FAM3C: variants seen among roughly 807,000 people sequenced by gnomAD.
The protein encoded by FAM3C is FAM3 metabolism regulating signaling molecule C, also known as protein FAM3C.
A neutral mutation model predicts 32.5 loss-of-function variants in FAM3C; 15 were observed. That is an observed-to-expected ratio of 0.46 (90% confidence interval 0.31 to 0.71). FAM3C has a LOEUF of 0.71. FAM3C is among the 30% of genes least tolerant of loss of function. The probability of loss-of-function intolerance (pLI) is 0.05; values close to 1 mark genes in which losing one functional copy is unlikely to be tolerated. For synonymous variants in FAM3C, 75 were observed against 86.1 expected (o/e 0.87, Z 0.72); for missense variants, 175 against 274.4 (o/e 0.64, Z 2.56).
chr7:121,362,058 T>G (rs1793937006), intron 7 of FAM3C, among the ~76,000 whole-genome samples: 1 of 152,166 alleles, frequency 6.6e-6, no homozygotes, highest in Non-Finnish European at 1.5e-5. Flanking sequence ...TCAGGAAGCC[T>G]AATAGCTGTT....
intron 1 of FAM3C, among the ~76,000 whole-genome samples, chr7:121,395,628 A>C (rs182759771): frequency 4.5e-4 from 69 of 152,234 alleles, no homozygotes; most frequent in African/African-American, 1.6e-3. Context: ...AACAAATAGG[A>C]AGAAAAAGAA....
intron 7 of FAM3C, among the ~76,000 whole-genome samples, chr7:121,361,833 C>G (rs1314934733): frequency 4.6e-5 from 7 of 152,138 alleles, no homozygotes; most frequent in Non-Finnish European, 1.0e-4. Context: ...TGCATGCCAC[C>G]ATGCCCGGCT....
At position 121,362,888 on chromosome 7, in the gene FAM3C, T is replaced by A; in HGVS notation, c.382+9A>T. ...AGCAAAAGAACACAGTCATGTTATTTATGCTTACCTCCTCCCCACATGTCA... is the reference window on the plus strand; with the variant it reads ...AGCAAAAGAACACAGTCATGTTATTAATGCTTACCTCCTCCCCACATGTCA... On this transcript the variant is annotated intron_variant, in intron 7 of 9. Coordinates refer to ENST00000359943, the MANE Select transcript of FAM3C (RefSeq NM_014888.3). The A allele has an allele frequency of 6.6e-7, 1 of 1,504,084 alleles. No individual in the cohort carries two copies. The highest frequency in any genetic ancestry group is 9.2e-7 in the Non-Finnish European group (1 of 1,083,976). 93.2% of individuals were successfully genotyped at this position (1,504,084 alleles called of 1,614,324 possible).
At chr7:121,388,235 A>AAC (rs10676450) in intron 1 of FAM3C, among the ~76,000 whole-genome samples, 61,170 of 147,720 alleles carry the variant, frequency 0.41, 14,026 homozygotes, top group East Asian at 0.63. Context: ...CCACCATTTT[A>AAC]ACACACACAC....
intron 2 of FAM3C, 58 bp from the exon 3 acceptor site, chr7:121,379,072 AT>A (rs1317118743): frequency 1.1e-6 from 1 of 908,704 alleles, no homozygotes; most frequent in Non-Finnish European, 1.7e-6. Flanking sequence ...TTTATTTTGC[AT>A]TTCTATGAAA....
chr7:121,359,387 A>G (rs1793877327), intron 8 of FAM3C, among the ~76,000 whole-genome samples: 1 of 152,018 alleles, frequency 6.6e-6, no homozygotes, highest in Non-Finnish European at 1.5e-5. Context: ...ATATTTAATA[A>G]TAAGGGGAAA....
intron 6 of FAM3C, among the ~76,000 whole-genome samples, chr7:121,363,588 T>C (rs1793968134): frequency 6.6e-6 from 1 of 152,134 alleles, no homozygotes; most frequent in Non-Finnish European, 1.5e-5. Flanking sequence ...ATGGAATACT[T>C]ATTGTACCAG....
At chr7:121,371,216 A>G in intron 5 of FAM3C, 84 bp downstream of exon 5, 1 of 1,493,080 alleles carries the variant, frequency 6.7e-7, no homozygotes, top group Non-Finnish European at 9.2e-7. Context: ...TACCGAACAC[A>G]TTTTCAAAAT....
chr7:121,380,324 C>T (rs1005436732), intron 2 of FAM3C: 6 of 151,838 alleles, frequency 4.0e-5, no homozygotes, highest in Admixed American at 6.6e-5. Flanking sequence ...AATATCAAGA[C>T]GATAACACAA....
At chr7:121,376,768 T>G (rs1794244190) in intron 3 of FAM3C, among the ~76,000 whole-genome samples, 1 of 152,094 alleles carries the variant, frequency 6.6e-6, no homozygotes, top group South Asian at 2.1e-4. Flanking sequence ...AAAACTGAAG[T>G]CTACATATCA....
intron 3 of FAM3C, among the ~76,000 whole-genome samples, chr7:121,378,693 C>G (rs1166224688): frequency 7.0e-6 from 1 of 143,670 alleles, no homozygotes; most frequent in African/African-American, 2.7e-5. Flanking sequence ...AGACTCATTA[C>G]ATATGTTCAA....
chr7:121,392,757 T>A (rs1794602751), intron 1 of FAM3C, among the ~76,000 whole-genome samples: 1 of 152,182 alleles, frequency 6.6e-6, no homozygotes, highest in Non-Finnish European at 1.5e-5. Context: ...ACTTTCTGAA[T>A]AGCACACAAA....
At chr7:121,377,957 A>AC (rs2116934425) in intron 3 of FAM3C, among the ~76,000 whole-genome samples, 1 of 152,346 alleles carries the variant, frequency 6.6e-6, no homozygotes, top group Non-Finnish European at 1.5e-5. Context: ...CCCCATCATT[A>AC]GGTGACACAT....
At chr7:121,393,864 A>G (rs1430945447) in intron 1 of FAM3C, among the ~76,000 whole-genome samples, 1 of 152,222 alleles carries the variant, frequency 6.6e-6, no homozygotes, top group Non-Finnish European at 1.5e-5. Flanking sequence ...TACAGAATCA[A>G]TGCTTCAAAT....
chr7:121,386,687 G>GCA lies in FAM3C; in HGVS notation c.-41-3679_-41-3678dup, dbSNP rs923228631. Among the ~76,000 whole-genome samples the GCA allele has an allele frequency of 5.3e-3, 651 of 123,826 alleles. 7 individuals carry two copies. The highest frequency in any genetic ancestry group is 0.02 in the African/African-American group (595 of 29,638). The allele number at this position is 123,826 out of a possible 152,430, so 81.2% of individuals were successfully genotyped here. ...TATATCTATACATACACACACACACGCACACATATATATATATATATATAT... is the reference window on the plus strand; with the variant it reads ...TATATCTATACATACACACACACACGCACACACATATATATATATATATATAT... On this transcript the variant is annotated intron_variant, in intron 1 of 9. Coordinates refer to ENST00000359943, the MANE Select transcript of FAM3C (RefSeq NM_014888.3).
At chr7:121,373,540 T>C (rs1473254113) in intron 3 of FAM3C, among the ~76,000 whole-genome samples, 1 of 152,220 alleles carries the variant, frequency 6.6e-6, no homozygotes, top group African/African-American at 2.4e-5. Flanking sequence ...CATATACACT[T>C]CATTTCATGG....
chr7:121,354,533 C>T (rs905329826), intron 8 of FAM3C, among the ~76,000 whole-genome samples: 1 of 152,124 alleles, frequency 6.6e-6, no homozygotes, highest in African/African-American at 2.4e-5. Flanking sequence ...GGAAAGGAGG[C>T]ACATCGGATA....
rs60492718 is a variant in FAM3C, at chr7:121,396,187, C to T, written c.-67G>A. The T allele has an allele frequency of 0.97, 148,439 of 153,432 alleles. 72,021 individuals are homozygous for T. The highest frequency in any genetic ancestry group is 1 in the East Asian group (5,200 of 5,200). 9.5% of individuals were successfully genotyped at this position (153,432 alleles called of 1,614,324 possible). A position where few individuals can be genotyped will look rare whatever the true frequency, so the allele number is the denominator to read the frequency against. On this transcript the variant is annotated 5_prime_UTR_variant, in exon 1 of 10. Coordinates refer to ENST00000359943, the MANE Select transcript of FAM3C (RefSeq NM_014888.3). ...CGGCCTCCCGCCCGCCTCTCCGCCG[C>T]GCGCGCCCGCCTTCCGGCCTCCCAG...
At chr7:121,383,059 T>G in intron 1 of FAM3C, 49 bp from the exon 2 acceptor site, 1 of 985,062 alleles carries the variant, frequency 1.0e-6, no homozygotes, top group Non-Finnish European at 1.6e-6. Context: ...AGAGCAAACA[T>G]TCCTCCTTAG....
Sources: allele counts gnomAD v4.1 joint callset (sites outside exome capture counted in the v4.1 genomes callset), GRCh38; gene constraint gnomAD v4.1.1; transcripts MANE v1.5; gene names NCBI Gene and HGNC (gene_info 2026-07-23, HGNC 2026-07-21).